Variants in RASA3 observed in about 807,000 individuals in gnomAD.
RASA3 encodes the protein RAS p21 protein activator 3.
Under a neutral mutation model 110.0 loss-of-function variants are expected in RASA3, and 73 were observed. The observed-to-expected ratio is 0.66, with a 90% CI of 0.55 to 0.81. RASA3 has a LOEUF of 0.81. RASA3 is among the 30% of genes least tolerant of loss of function. RASA3 has a pLI of 0.00. For missense variants in RASA3, 976 were observed against 1,113.2 expected (o/e 0.88, Z 1.75); for synonymous variants, 500 against 451.4 (o/e 1.11, Z -1.37).
rs575208329 is a variant in RASA3 at position 114,079,792 on chromosome 13, G to A, written c.56-5955C>T. On this transcript the variant is annotated intron_variant, in intron 1 of 23. Transcript: ENST00000334062. ...GTTCGCCTCTGGACACGGGGGCTCC[G>A]TGACTGGCCTCTGAGTGGGCCTGAG... Among the ~76,000 whole-genome samples the A allele has an allele frequency of 4.6e-5, 7 of 152,268 alleles. 1 individual carries two copies. The South Asian group carries it at 1.2e-3, about 27-fold the overall frequency.
chr13:114,069,394 A>C (rs1258450050), intron 2 of RASA3, among the ~76,000 whole-genome samples: 1 of 136,356 alleles, frequency 7.3e-6, no homozygotes, highest in East Asian at 2.3e-4. Flanking sequence ...TCAGACCTTA[A>C]AGGTGACACT....
rs564486443 is a variant in RASA3 at position 114,014,836 on chromosome 13, C to T, written c.1405+373G>A. Among the ~76,000 whole-genome samples, 1 of 152,244 alleles carries T rather than the reference C, an allele frequency of 6.6e-6. No individual in the cohort carries two copies. The highest frequency in any genetic ancestry group is 1.5e-5 in the Non-Finnish European group (1 of 68,000). ...ACTGGGAAAACCCAGGGGTCCACAT[C>T]AGGAAAATTCACATTCCACCCCGAC... On this transcript the variant is annotated intron_variant, in intron 14 of 23. Coordinates refer to ENST00000334062, the MANE Select transcript of RASA3 (RefSeq NM_007368.4). The surrounding 1 kb of genome is among the most constrained non-coding windows in gnomAD (Gnocchi z 4.5).
intron 1 of RASA3, among the ~76,000 whole-genome samples, chr13:114,119,027 T>C (rs1204986973): frequency 6.6e-6 from 1 of 152,084 alleles, no homozygotes; most frequent in East Asian, 1.9e-4. Flanking sequence ...GGAGATGAAA[T>C]TGGCTGCCTG....
At chr13:113,990,893 C>G (rs1213458858) in intron 22 of RASA3, among the ~76,000 whole-genome samples, 1 of 152,244 alleles carries the variant, frequency 6.6e-6, no homozygotes, top group African/African-American at 2.4e-5. Flanking sequence ...TGTGTATGTG[C>G]CTGTGTGTTA....
rs780630268 is a variant in RASA3 at position 114,011,194 on chromosome 13, C to A, written c.1567G>T (p.Gly523Cys). The A allele has an allele frequency of 5.6e-6, 9 of 1,612,790 alleles. No individual in the cohort carries two copies. The highest frequency in any genetic ancestry group is 7.6e-6 in the Non-Finnish European group (9 of 1,179,578). ...ACAGATTTGGACTTGGACAGGCTGCCGAGGGTCTGAACGGTCTTGGAGATC... is the reference window on the plus strand; with the variant it reads ...ACAGATTTGGACTTGGACAGGCTGCAGAGGGTCTGAACGGTCTTGGAGATC... The part of the protein sequence containing the change: ...TLISKTVQTL[G>C]SLSKSKSASF... The change falls in exon 16 of 24, where the codon GGC (glycine) becomes TGC (cysteine). Residue 523 changes from glycine to cysteine, a missense_variant. By Grantham distance (159) the Gly-to-Cys change is radical. Transcript: ENST00000334062. This position sits in a 1 kb window ranked among gnomAD's most constrained non-coding sequence, Gnocchi z 4.8.
At chr13:114,045,414 G>A (rs2079037095) in intron 3 of RASA3, among the ~76,000 whole-genome samples, 1 of 152,332 alleles carries the variant, frequency 6.6e-6, no homozygotes, top group South Asian at 2.1e-4. Flanking sequence ...CAGGGGTCTG[G>A]AGGGCATCAG....
At position 114,057,236 on chromosome 13, in the gene RASA3, G is replaced by A; in HGVS notation, c.174-5081C>T. The stretch of plus-strand genomic sequence containing the variant: ...AAGTAATAAAGTTATTACTAACTTT[G>A]TTTCCTGCGGGTCACCTCAAGTCTT... On this transcript the variant is annotated intron_variant, in intron 2 of 23. Transcript: ENST00000334062. This position sits in a 1 kb window ranked among gnomAD's most constrained non-coding sequence, Gnocchi z 5.0. The A allele has an allele frequency of 2.0e-6, 2 of 985,194 alleles. No individual in the cohort carries two copies. The highest frequency in any genetic ancestry group is 1.1e-4 in the East Asian group (1 of 8,806). The allele number at this position is 985,194 out of a possible 1,614,324, so 61.0% of individuals were successfully genotyped here.
At chr13:113,981,651 G>T in intron 23 of RASA3, 24 bp downstream of exon 23, 2 of 1,611,842 alleles carry the variant, frequency 1.2e-6, no homozygotes, top group Non-Finnish European at 1.7e-6. Flanking sequence ...GGCCGTCCAG[G>T]GCAGGCACGG....
chr13:114,013,676 GTCTCTCTCCCTA>G (rs2053702888), intron 14 of RASA3, among the ~76,000 whole-genome samples: 3 of 69,758 alleles, frequency 4.3e-5, no homozygotes, highest in African/African-American at 6.6e-5. Context: ...CCCTCTCCCT[GTCTCTCTCCCTA>G]TCTCTGTCTC....
chr13:114,018,349 G>C (rs533991368), intron 10 of RASA3, 97 bp from the exon 11 acceptor site: 2 of 1,384,278 alleles, frequency 1.4e-6, no homozygotes, highest in African/African-American at 1.5e-5. Context: ...AGCCACAATA[G>C]ATACGGCTCT....
chr13:114,052,459 A>G (rs2079161274), intron 2 of RASA3, among the ~76,000 whole-genome samples: 1 of 152,176 alleles, frequency 6.6e-6, no homozygotes, highest in Admixed American at 6.5e-5. Flanking sequence ...CTACGTGCTC[A>G]GGTCTAGGTG....
At chr13:114,023,378 C>A (rs2053967167) in intron 8 of RASA3, among the ~76,000 whole-genome samples, 1 of 152,078 alleles carries the variant, frequency 6.6e-6, no homozygotes, top group Non-Finnish European at 1.5e-5. Flanking sequence ...GGTCTCAGGG[C>A]CGGCTGGGGA....
chr13:114,018,270 G>A lies in RASA3; in HGVS notation c.943-18C>T. The A allele has an allele frequency of 6.5e-7, 1 of 1,546,884 alleles. No individual in the cohort carries two copies. Among genetic ancestry groups the A allele is most frequent in the South Asian group, 1.2e-5 (1 of 83,734 alleles). ...GACACGGGCTGCGGGGAGGGGTGAG[G>A]TCAGTGCCAGGGCCCGGGGTGCAGG... On this transcript the variant is annotated intron_variant, in intron 10 of 23. Transcript: ENST00000334062.
chr13:114,037,955 A>T (rs1186195853), intron 4 of RASA3, among the ~76,000 whole-genome samples: 1 of 151,102 alleles, frequency 6.6e-6, no homozygotes, highest in Non-Finnish European at 1.5e-5. Context: ...CGTTCGGGGG[A>T]GCCGGGAGAA....
intron 1 of RASA3, among the ~76,000 whole-genome samples, chr13:114,109,757 G>T (rs1199953740): frequency 6.6e-6 from 1 of 152,196 alleles, no homozygotes; most frequent in African/African-American, 2.4e-5. Context: ...GCCTCCTCCT[G>T]CTGTGGCTTC....
At chr13:114,013,296 C>T in intron 14 of RASA3, 48 bp from the exon 15 acceptor site, 3 of 1,435,888 alleles carry the variant, frequency 2.1e-6, no homozygotes, top group Non-Finnish European at 2.9e-6. Context: ...GCACAATGGC[C>T]TCGTGGGGAC....
chr13:114,020,881 C>A (rs1036713650), intron 9 of RASA3, among the ~76,000 whole-genome samples: 7 of 152,210 alleles, frequency 4.6e-5, no homozygotes, highest in Non-Finnish European at 1.0e-4. Flanking sequence ...CGCGGCGCAG[C>A]CCTGCTGTGT....
At chr13:114,021,620 C>G in intron 8 of RASA3, 112 bp from the exon 9 acceptor site, 1 of 773,788 alleles carries the variant, frequency 1.3e-6, no homozygotes, top group Non-Finnish European at 2.1e-6. Context: ...GCAGCGCCTC[C>G]CAGAGTCTCC....
chr13:114,061,604 G>A (rs913429456), intron 2 of RASA3, among the ~76,000 whole-genome samples: 1 of 151,206 alleles, frequency 6.6e-6, no homozygotes, highest in African/African-American at 2.4e-5. Flanking sequence ...TTGAACCTGG[G>A]AGGCGGAGGT....
Sources: allele counts gnomAD v4.1 joint callset (sites outside exome capture counted in the v4.1 genomes callset), GRCh38; gene constraint gnomAD v4.1.1; non-coding constraint Gnocchi (gnomAD v3.1); transcripts MANE v1.5; gene names NCBI Gene and HGNC (gene_info 2026-07-23, HGNC 2026-07-21).